Variants in INPP4A observed in about 807,000 individuals in gnomAD.
INPP4A encodes the protein inositol polyphosphate-4-phosphatase, type I, 107kD.
Under a neutral mutation model 119.8 loss-of-function variants are expected in INPP4A, and 33 were observed. That is an observed-to-expected ratio of 0.28 (90% CI 0.21 to 0.37). The LOEUF is 0.37. Among genes scored for constraint, INPP4A ranks in the 10% least tolerant of loss-of-function variants. The probability of loss-of-function intolerance (pLI) is 1.00; values close to 1 mark genes in which losing one functional copy is unlikely to be tolerated. For synonymous variants in INPP4A, 496 were observed against 500.7 expected, an observed-to-expected ratio of 0.99 and a Z score of 0.12; for missense variants, 956 against 1,289.9, an observed-to-expected ratio of 0.74 and a Z score of 3.97.
chr2:98,554,739 A>G lies in INPP4A; in HGVS notation c.1566+250A>G, dbSNP rs1362810742. ...CAGCCTCAGACCTGGATGAAGAGGA[A>G]GACAAGTGGGTTTTCCTCCCGTGTT... On this transcript the variant is annotated intron_variant, in intron 15 of 24. Coordinates refer to ENST00000409851, the MANE Select transcript of INPP4A (RefSeq NM_001134225.2). This position sits in a 1 kb window ranked among gnomAD's most constrained non-coding sequence, Gnocchi z 4.7. 1.3e-5 allele frequency among the ~76,000 whole-genome samples: 2 copies of G among 152,198 alleles called. No homozygotes were observed. Among genetic ancestry groups the G allele is most frequent in the Non-Finnish European group, 2.9e-5 (2 of 68,032 alleles).
At chr2:98,579,057 C>CT (rs1190221769) in intron 24 of INPP4A, among the ~76,000 whole-genome samples, 159 of 142,718 alleles carry the variant, frequency 1.1e-3, no homozygotes, top group South Asian at 3.6e-3. Context: ...CTTTTTTTTT[C>CT]TTTTTTTTTT....
At chr2:98,541,191 G>A (rs948664739) in intron 10 of INPP4A, among the ~76,000 whole-genome samples, 8 of 152,240 alleles carry the variant, frequency 5.3e-5, no homozygotes, top group Admixed American at 1.3e-4. Flanking sequence ...GCCGGGCGCG[G>A]TGGTGGGCGC....
intron 10 of INPP4A, among the ~76,000 whole-genome samples, chr2:98,543,398 C>A (rs1691876113): frequency 6.6e-6 from 1 of 152,196 alleles, no homozygotes; most frequent in African/African-American, 2.4e-5. Flanking sequence ...GAAGCGCTGT[C>A]CTGATAGCCT....
chr2:98,460,179 T>C (rs1176690974), intron 1 of INPP4A, among the ~76,000 whole-genome samples: 1 of 151,990 alleles, frequency 6.6e-6, no homozygotes, highest in Non-Finnish European at 1.5e-5. Flanking sequence ...CATGTACACA[T>C]ATATGCAAGT....
chr2:98,467,486 C>T (rs1675037648), intron 1 of INPP4A, among the ~76,000 whole-genome samples: 1 of 152,176 alleles, frequency 6.6e-6, no homozygotes, highest in South Asian at 2.1e-4. Flanking sequence ...GACTGTGAAG[C>T]TGTCAGCAAT....
Position 98,536,116 on chromosome 2 carries a change from T to C in INPP4A, c.388-13T>C, listed in dbSNP as rs1017126803. 1 of 1,582,606 alleles carries C rather than the reference T, an allele frequency of 6.3e-7. No homozygotes were observed. ...AGCGCACCAATGCTGCCTCTCTTCC[T>C]TCTCTTCCTCAGATGTATTTACTGG... On this transcript the variant is annotated splice_polypyrimidine_tract_variant and intron_variant, in intron 6 of 24. Coordinates refer to ENST00000409851, the MANE Select transcript of INPP4A (RefSeq NM_001134225.2).
At position 98,559,509 on chromosome 2, in the gene INPP4A, G is replaced by A. The variant is rs781456557; in HGVS notation, c.1855+14G>A. On this transcript the variant is annotated intron_variant, in intron 17 of 24. Transcript: ENST00000409851. ...AGTCCAGCCCAGGTACGTGGTTTCC[G>A]TTCAAGGCTCCTGCTGATGCCCTTT... 33 of 1,613,180 alleles carry A rather than the reference G, an allele frequency of 2.0e-5. 1 individual carries two copies. The highest frequency in any genetic ancestry group is 7.7e-5 in the South Asian group (7 of 90,958).
intron 1 of INPP4A, among the ~76,000 whole-genome samples, chr2:98,469,907 G>A (rs909208482): frequency 6.6e-6 from 1 of 152,182 alleles, no homozygotes; most frequent in African/African-American, 2.4e-5. Flanking sequence ...CTTAGATGCC[G>A]AGCCTCAGTC....
chr2:98,561,197 A>G (rs1410036960), intron 17 of INPP4A, among the ~76,000 whole-genome samples: 1 of 152,170 alleles, frequency 6.6e-6, no homozygotes, highest in Non-Finnish European at 1.5e-5. Context: ...TGAATTCACT[A>G]CCGGTCTGCG....
chr2:98,575,756 AC>A (rs1313805344), intron 23 of INPP4A, among the ~76,000 whole-genome samples: 1 of 152,132 alleles, frequency 6.6e-6, no homozygotes, highest in Admixed American at 6.5e-5. Context: ...TTGATGAGAC[AC>A]TGATATTTTT....
chr2:98,537,781 C>A (rs759125559), intron 7 of INPP4A, 82 bp from the exon 8 acceptor site: 3 of 1,061,602 alleles, frequency 2.8e-6, no homozygotes, highest in Non-Finnish European at 4.3e-6. Context: ...CCCTGATGAC[C>A]CAGTACGGCT....
At chr2:98,585,196 C>G (rs568817535) in intron 24 of INPP4A, among the ~76,000 whole-genome samples, 3 of 152,246 alleles carry the variant, frequency 2.0e-5, no homozygotes, top group African/African-American at 7.2e-5. Flanking sequence ...TGTTTTCCCT[C>G]CACAAAGTGA....
At chr2:98,580,050 C>T (rs367630229) in intron 24 of INPP4A, among the ~76,000 whole-genome samples, 6 of 152,364 alleles carry the variant, frequency 3.9e-5, no homozygotes, top group East Asian at 1.9e-4. Flanking sequence ...AGACATGTAC[C>T]TGTTCAGGCG....
chr2:98,447,290 G>A (rs11884501), intron 1 of INPP4A, among the ~76,000 whole-genome samples: 2,452 of 152,238 alleles, frequency 0.016, 59 homozygotes, highest in African/African-American at 0.056. Context: ...AATCTGCAGC[G>A]AAAAAGGCTT....
intron 13 of INPP4A, among the ~76,000 whole-genome samples, chr2:98,550,515 T>C (rs552564254): frequency 3.1e-4 from 47 of 152,312 alleles, no homozygotes; most frequent in South Asian, 1.7e-3. Flanking sequence ...TGACCCCAGC[T>C]CTGGGTAGGT....
intron 24 of INPP4A, 128 bp downstream of exon 24, chr2:98,577,271 G>C (rs1698579985): frequency 1.0e-6 from 1 of 988,706 alleles, no homozygotes; most frequent in Non-Finnish European, 1.4e-6. Context: ...CTTCACACTT[G>C]AGTTTGACAA....
chr2:98,582,664 CAGAA>C (rs1188378261), intron 24 of INPP4A, among the ~76,000 whole-genome samples: 13 of 151,684 alleles, frequency 8.6e-5, no homozygotes, highest in Non-Finnish European at 1.2e-4. Flanking sequence ...ACGCCAGACA[CAGAA>C]AGATCACCTG....
chr2:98,554,331 A>G lies in INPP4A; in HGVS notation c.1408A>G (p.Asn470Asp), dbSNP rs757414208. 2 of 1,613,014 alleles carry G rather than the reference A, an allele frequency of 1.2e-6. No individual in the cohort carries two copies. The highest frequency in any genetic ancestry group is 2.7e-5 in the African/African-American group (2 of 74,930). The change falls in exon 15 of 25, where the codon AAC becomes GAC. Residue 470 changes from asparagine (N) to aspartate (D), a missense_variant. Around this residue, in one of 2 missense-constraint regions of INPP4A, gnomAD observed 652 missense variants for 797.9 expected, o/e 0.82. Transcript: ENST00000409851. This position sits in a 1 kb window ranked among gnomAD's most constrained non-coding sequence, Gnocchi z 4.7. ...KLLANSIHGL[N>D]AARPDYIASK... Reference sequence around the variant, plus strand: ...CCTGGCCAACTCCATCCATGGGCTGAACGCTGCACGGCCTGACTACATTGC... The same window carrying G: ...CCTGGCCAACTCCATCCATGGGCTGGACGCTGCACGGCCTGACTACATTGC...
intron 1 of INPP4A, among the ~76,000 whole-genome samples, chr2:98,488,740 T>C (rs1284481518): frequency 6.6e-6 from 1 of 151,962 alleles, no homozygotes; most frequent in Non-Finnish European, 1.5e-5. Context: ...AGGAAGCAAG[T>C]GGGAGCTCCT....
Sources: allele counts gnomAD v4.1 joint callset (sites outside exome capture counted in the v4.1 genomes callset), GRCh38; gene constraint gnomAD v4.1.1; regional missense constraint gnomAD v4.1.1; non-coding constraint Gnocchi (gnomAD v3.1); transcripts MANE v1.5; gene names NCBI Gene and HGNC (gene_info 2026-07-23, HGNC 2026-07-21).